FRMD4A: variants seen among roughly 807,000 people sequenced by gnomAD.
FRMD4A encodes the protein FERM domain containing 4A.
FRMD4A carries 29 observed loss-of-function variants against 129.1 expected under a neutral mutation model. The observed-to-expected ratio is 0.22, with a 90% CI of 0.17 to 0.31. The LOEUF (loss-of-function observed/expected upper bound fraction) is 0.31, where lower values mean the gene tolerates loss of function less well. FRMD4A is among the 10% of genes least tolerant of loss of function. The pLI, the probability that FRMD4A is intolerant of heterozygous loss-of-function variation, is 1.00. For synonymous variants in FRMD4A, 634 were observed against 571.6 expected (o/e 1.11, Z -1.56); for missense variants, 1,272 against 1,375.8 (o/e 0.92, Z 1.19).
chr10:13,692,517 G>A (rs1018051300), intron 15 of FRMD4A: 1 of 152,238 alleles, frequency 6.6e-6, no homozygotes, highest in Admixed American at 6.5e-5. Flanking sequence ...ACATGACCGT[G>A]TGAACACACT....
intron 12 of FRMD4A, among the ~76,000 whole-genome samples, chr10:13,725,324 C>T (rs148499204): frequency 2.1e-4 from 32 of 152,270 alleles, no homozygotes; most frequent in Non-Finnish European, 4.3e-4. Flanking sequence ...GTATGTCAGG[C>T]CTGGAGACTG....
Position 13,747,767 on chromosome 10 carries a change from C to A in FRMD4A, c.517G>T (p.Ala173Ser). The A allele has an allele frequency of 6.2e-7, 1 of 1,603,814 alleles. No individual in the cohort carries two copies. The highest frequency in any genetic ancestry group is 8.5e-7 in the Non-Finnish European group (1 of 1,170,910). Reference sequence around the variant, plus strand: ...GCCAGGGAAGGGTGCTCCTTCAGGGCTTGGGTGGGAAGGGCTGGCAGCTTC... The same window carrying A: ...GCCAGGGAAGGGTGCTCCTTCAGGGATTGGGTGGGAAGGGCTGGCAGCTTC... ...LKKLPALPTQ[A>S]LKEHPSLAYC... is the part of the protein sequence containing the mutation. Residue 173 changes from alanine (A) to serine (S), a missense_variant, in exon 9 of 25, where the codon GCC (alanine) becomes TCC (serine). Ala to Ser is a moderately conservative substitution (Grantham distance 99). Coordinates refer to ENST00000357447, the MANE Select transcript of FRMD4A (RefSeq NM_018027.5).
chr10:14,259,285 C>T (rs1015746961), intron 2 of FRMD4A, among the ~76,000 whole-genome samples: 6 of 151,858 alleles, frequency 4.0e-5, no homozygotes, highest in African/African-American at 1.4e-4. Context: ...CTCACAAATT[C>T]ATAAGAATAC....
intron 15 of FRMD4A, among the ~76,000 whole-genome samples, chr10:13,685,976 C>G (rs565052275): frequency 1.3e-3 from 203 of 152,164 alleles, no homozygotes; most frequent in Non-Finnish European, 2.0e-3. Context: ...GGGATAACGA[C>G]TCTGTCTCCC....
intron 6 of FRMD4A, among the ~76,000 whole-genome samples, chr10:13,768,080 A>ATGTGTGTGTGTGTG (rs36052011): frequency 2.0e-5 from 3 of 149,988 alleles, no homozygotes; most frequent in Non-Finnish European, 3.0e-5. Flanking sequence ...GTCTGCAGGT[A>ATGTGTGTGTGTGTG]TGTGTGTGTG....
chr10:14,263,240 C>G (rs1163445682), intron 2 of FRMD4A, among the ~76,000 whole-genome samples: 1 of 152,202 alleles, frequency 6.6e-6, no homozygotes, highest in Non-Finnish European at 1.5e-5. Context: ...CCCTCCCCGC[C>G]AGCCCCGTCT....
At chr10:13,818,667 G>C (rs1422014462) in intron 3 of FRMD4A, among the ~76,000 whole-genome samples, 1 of 152,100 alleles carries the variant, frequency 6.6e-6, no homozygotes, top group African/African-American at 2.4e-5. Context: ...CTGTGCCTCA[G>C]TTTCCTCTCA....
At chr10:13,685,103 G>A (rs1051086492) in intron 15 of FRMD4A, 1 of 984,162 alleles carries the variant, frequency 1.0e-6, no homozygotes, top group African/African-American at 1.7e-5. Flanking sequence ...CAGGATAAAC[G>A]TGTCATCTCT....
chr10:14,250,422 A>G (rs1010087405), intron 2 of FRMD4A, among the ~76,000 whole-genome samples: 13 of 152,214 alleles, frequency 8.5e-5, no homozygotes, highest in Non-Finnish European at 1.8e-4. Context: ...TGCCTCCTCT[A>G]CTTTTTACAA....
At chr10:13,683,049 C>G (rs1473063708) in intron 15 of FRMD4A, among the ~76,000 whole-genome samples, 1 of 152,012 alleles carries the variant, frequency 6.6e-6, no homozygotes, top group Non-Finnish European at 1.5e-5. Flanking sequence ...GGCAGGGGCT[C>G]TTTGGATCAC....
chr10:13,962,357 AAAT>A (rs2095451393), intron 2 of FRMD4A, among the ~76,000 whole-genome samples: 1 of 152,254 alleles, frequency 6.6e-6, no homozygotes, highest in Admixed American at 6.5e-5. Flanking sequence ...TGAGAATCAA[AAAT>A]AATAAAATGC....
intron 13 of FRMD4A, among the ~76,000 whole-genome samples, chr10:13,706,010 G>T (rs2087396467): frequency 1.3e-5 from 2 of 152,166 alleles, no homozygotes; most frequent in South Asian, 4.1e-4. Context: ...ACTGGGCGGG[G>T]TAACTCCAAA....
chr10:13,909,053 G>GT (rs1265002896), intron 2 of FRMD4A, among the ~76,000 whole-genome samples: 1 of 152,024 alleles, frequency 6.6e-6, no homozygotes, highest in Non-Finnish European at 1.5e-5. Flanking sequence ...CTCTCTTATT[G>GT]TTTTTTCACA....
intron 3 of FRMD4A, among the ~76,000 whole-genome samples, chr10:13,848,730 T>C (rs946132314): frequency 6.6e-6 from 1 of 152,066 alleles, no homozygotes; most frequent in Non-Finnish European, 1.5e-5. Context: ...GAGACTGGAA[T>C]TCCCCTTTGT....
chr10:14,047,755 G>A (rs1834049948), intron 2 of FRMD4A, among the ~76,000 whole-genome samples: 1 of 152,204 alleles, frequency 6.6e-6, no homozygotes, highest in African/African-American at 2.4e-5. Context: ...AAGTATGGGA[G>A]AATGGAACCC....
At chr10:14,066,795 G>T (rs374455892) in intron 2 of FRMD4A, among the ~76,000 whole-genome samples, 1 of 152,006 alleles carries the variant, frequency 6.6e-6, no homozygotes, top group Non-Finnish European at 1.5e-5. Flanking sequence ...TCAAAAAAAA[G>T]AAAGAGAAAT....
At chr10:13,988,032 C>A (rs568779490) in intron 2 of FRMD4A, among the ~76,000 whole-genome samples, 1 of 152,086 alleles carries the variant, frequency 6.6e-6, no homozygotes, top group African/African-American at 2.4e-5. Flanking sequence ...ATTTGATATA[C>A]GCTAGAAAAT....
intron 2 of FRMD4A, among the ~76,000 whole-genome samples, chr10:13,958,323 GC>G (rs1281074480): frequency 8.0e-6 from 1 of 125,640 alleles, no homozygotes; most frequent in African/African-American, 3.1e-5. Flanking sequence ...CTCGCTCGTC[GC>G]CCAGGCTGGA....
chr10:13,942,841 G>A (rs543474767), intron 2 of FRMD4A, among the ~76,000 whole-genome samples: 149 of 152,236 alleles, frequency 9.8e-4, no homozygotes, highest in African/African-American at 3.4e-3. Flanking sequence ...GCTGAGGCAG[G>A]AGAATTGCTT....
Sources: gnomAD v4.1 joint callset for allele counts (sites outside exome capture counted in the v4.1 genomes callset) on GRCh38, gnomAD v4.1.1 for gene constraint, MANE v1.5 for transcripts, NCBI Gene and HGNC (gene_info 2026-07-23, HGNC 2026-07-21) for gene names.